GPC5: variants seen among roughly 807,000 people sequenced by gnomAD.
The protein encoded by GPC5 is glypican-5.
A neutral mutation model predicts 53.9 loss-of-function variants in GPC5; 47 were observed. The observed-to-expected ratio is 0.87, with a 90% CI of 0.69 to 1.11. GPC5 has a LOEUF of 1.11. Among genes scored for constraint, GPC5 ranks in the 50% most tolerant of loss-of-function variants. The pLI is 0.00. For missense variants in GPC5, 748 were observed against 713.1 expected (o/e 1.05, Z -0.56); for synonymous variants, 286 against 263.3 (o/e 1.09, Z -0.84).
At chr13:91,770,015 C>T (rs2037593009) in intron 5 of GPC5, among the ~76,000 whole-genome samples, 1 of 152,178 alleles carries the variant, frequency 6.6e-6, no homozygotes, top group African/African-American at 2.4e-5. Context: ...CCAGATTATG[C>T]ACAACTTCCA....
chr13:92,168,355 T>C (rs532828262), intron 7 of GPC5, among the ~76,000 whole-genome samples: 31 of 152,242 alleles, frequency 2.0e-4, no homozygotes, highest in African/African-American at 7.2e-4. Flanking sequence ...AGTTAAACTA[T>C]AGAGCTTCCG....
intron 6 of GPC5, among the ~76,000 whole-genome samples, chr13:91,980,052 C>T (rs2040343354): frequency 6.6e-6 from 1 of 152,060 alleles, no homozygotes; most frequent in Non-Finnish European, 1.5e-5. Context: ...ATACTATAGG[C>T]CCAGAGTCCC....
rs556948782 is a variant in GPC5, at chr13:91,730,720, C to A, written c.1154+2055C>A. 2.0e-4 allele frequency among the ~76,000 whole-genome samples: 30 copies of A among 152,262 alleles called. 1 individual carries two copies. Among genetic ancestry groups the A allele is most frequent in the Admixed American group, 2.0e-3 (30 of 15,296 alleles). ...GAGCCTTTTCTTTCTCAGATTAAAG[C>A]TCTTTTGGGCTATTCTGTAAATGGG... On this transcript the variant is annotated intron_variant, in intron 4 of 7. Coordinates refer to ENST00000377067, the MANE Select transcript of GPC5 (RefSeq NM_004466.6).
intron 7 of GPC5, among the ~76,000 whole-genome samples, chr13:92,248,053 T>C (rs2042665688): frequency 6.6e-6 from 1 of 152,106 alleles, no homozygotes. Flanking sequence ...AAGATGTAGA[T>C]AATGGCAAGT....
chr13:91,927,741 T>C (rs1255641606), intron 6 of GPC5, among the ~76,000 whole-genome samples: 11 of 152,188 alleles, frequency 7.2e-5, no homozygotes, highest in Non-Finnish European at 1.0e-4. Flanking sequence ...ATTGTTCAAG[T>C]GAACAGGCTA....
At chr13:91,936,112 A>G (rs910247173) in intron 6 of GPC5, among the ~76,000 whole-genome samples, 6 of 152,068 alleles carry the variant, frequency 3.9e-5, no homozygotes, top group Non-Finnish European at 8.8e-5. Context: ...CAGTGATTGT[A>G]TTAACTAGGA....
chr13:91,829,423 G>A (rs1295971667), intron 5 of GPC5, among the ~76,000 whole-genome samples: 1 of 152,034 alleles, frequency 6.6e-6, no homozygotes, highest in Non-Finnish European at 1.5e-5. Context: ...ACATAATGAG[G>A]ACATAATGAG....
intron 7 of GPC5, among the ~76,000 whole-genome samples, chr13:92,329,867 G>A (rs950141161): frequency 1.5e-4 from 23 of 152,210 alleles, no homozygotes; most frequent in African/African-American, 5.1e-4. Flanking sequence ...GATCTCCCAA[G>A]GAGGGTGCTT....
intron 7 of GPC5, among the ~76,000 whole-genome samples, chr13:92,486,674 A>T (rs1254340022): frequency 6.6e-6 from 1 of 152,224 alleles, no homozygotes; most frequent in South Asian, 2.1e-4. Context: ...GAATATAAAG[A>T]TCACTGTTTA....
At chr13:91,981,158 C>T (rs1008013420) in intron 6 of GPC5, among the ~76,000 whole-genome samples, 3 of 152,094 alleles carry the variant, frequency 2.0e-5, no homozygotes, top group Admixed American at 6.5e-5. Flanking sequence ...GGAGATACTG[C>T]TAAACAGTTT....
At chr13:91,804,612 A>T (rs2038191333) in intron 5 of GPC5, among the ~76,000 whole-genome samples, 1 of 152,154 alleles carries the variant, frequency 6.6e-6, no homozygotes, top group Non-Finnish European at 1.5e-5. Context: ...AGAGAGATGA[A>T]TTATTCTTTT....
intron 5 of GPC5, among the ~76,000 whole-genome samples, chr13:91,862,808 G>T (rs567313963): frequency 7.9e-5 from 12 of 152,064 alleles, no homozygotes; most frequent in South Asian, 6.2e-4. Flanking sequence ...CATAGCAAAA[G>T]GATCAATTTC....
At chr13:91,633,787 A>G (rs1302474324) in intron 2 of GPC5, among the ~76,000 whole-genome samples, 2 of 152,108 alleles carry the variant, frequency 1.3e-5, no homozygotes, top group Non-Finnish European at 2.9e-5. Flanking sequence ...GAGGAATGAA[A>G]TCTACTAGAG....
chr13:91,955,885 G>T (rs779855010), intron 6 of GPC5, among the ~76,000 whole-genome samples: 3 of 152,156 alleles, frequency 2.0e-5, no homozygotes, highest in Non-Finnish European at 4.4e-5. Flanking sequence ...AGTTGCAGCT[G>T]GTTACTACCA....
intron 7 of GPC5, among the ~76,000 whole-genome samples, chr13:92,265,222 A>T (rs1022123395): frequency 6.6e-6 from 1 of 152,004 alleles, no homozygotes; most frequent in African/African-American, 2.4e-5. Flanking sequence ...CCAGGGTGAG[A>T]ATTTTCCAAA....
At chr13:92,443,060 G>C (rs1236943185) in intron 7 of GPC5, among the ~76,000 whole-genome samples, 1 of 152,162 alleles carries the variant, frequency 6.6e-6, no homozygotes, top group Non-Finnish European at 1.5e-5. Flanking sequence ...TGCACAAGAA[G>C]CATGGCACCA....
chr13:92,094,348 C>G (rs1339855910), intron 6 of GPC5, among the ~76,000 whole-genome samples: 1 of 151,674 alleles, frequency 6.6e-6, no homozygotes, highest in Admixed American at 6.6e-5. Context: ...AACCATGTCT[C>G]TACTAAAAAT....
chr13:92,504,321 C>T (rs1438957614), intron 7 of GPC5, among the ~76,000 whole-genome samples: 1 of 151,878 alleles, frequency 6.6e-6, no homozygotes, highest in Non-Finnish European at 1.5e-5. Flanking sequence ...GTATAAAACA[C>T]TGGTGAAAGA....
In GPC5 at chr13:92,278,296, G is replaced by A. The variant is rs189327727; in HGVS notation, c.1561+133307G>A. ...AGCAGTAATTGCCAACTTAAAGACC[G>A]TAACCACTTTGATAATAAATCTATA... On this transcript the variant is annotated intron_variant, in intron 7 of 7. Coordinates refer to ENST00000377067, the MANE Select transcript of GPC5 (RefSeq NM_004466.6). 4.2e-3 allele frequency among the ~76,000 whole-genome samples: 641 copies of A among 151,976 alleles called. 7 individuals carry two copies. Among genetic ancestry groups the A allele is most frequent in the African/African-American group, 0.014 (563 of 41,518 alleles).
Sources: gnomAD v4.1 joint callset for allele counts (sites outside exome capture counted in the v4.1 genomes callset) on GRCh38, gnomAD v4.1.1 for gene constraint, MANE v1.5 for transcripts, NCBI Gene and HGNC (gene_info 2026-07-23, HGNC 2026-07-21) for gene names.